SCP2: variants seen among roughly 807,000 people sequenced by gnomAD.
The protein encoded by SCP2 is sterol carrier protein 2, also known as SCP-2/3-oxoacyl-CoA thiolase.
SCP2 carries 48 observed loss-of-function variants against 71.4 expected under a neutral mutation model. That is an observed-to-expected ratio of 0.67 (90% confidence interval 0.53 to 0.86). The LOEUF is 0.86. Among genes scored for constraint, SCP2 ranks in the 40% least tolerant of loss-of-function variants. The probability of loss-of-function intolerance (pLI) is 0.00; values close to 1 mark genes in which losing one functional copy is unlikely to be tolerated. For synonymous variants in SCP2, 220 were observed against 218.1 expected, an observed-to-expected ratio of 1.01 and a Z score of -0.08; for missense variants, 560 against 655.6, an observed-to-expected ratio of 0.85 and a Z score of 1.59.
At chr1:52,934,277 G>A (rs1424977693) in intron 1 of SCP2, among the ~76,000 whole-genome samples, 1 of 152,018 alleles carries the variant, frequency 6.6e-6, no homozygotes, top group African/African-American at 2.4e-5. Context: ...TAGAATTTTA[G>A]AAAACTTGTA....
At chr1:53,030,320 A>G (rs1662445542) in intron 13 of SCP2, among the ~76,000 whole-genome samples, 1 of 152,148 alleles carries the variant, frequency 6.6e-6, no homozygotes, top group African/African-American at 2.4e-5. Context: ...TTCCTGTTGC[A>G]CTCATATTTA....
At position 52,948,072 on chromosome 1, in the gene SCP2, A is replaced by G. The variant is rs772952177; in HGVS notation, c.191A>G (p.Tyr64Cys). Residue 64 changes from tyrosine to cysteine, a missense_variant, in exon 3 of 16, where the codon TAT becomes TGT. Around this residue, in one of 3 missense-constraint regions of SCP2, gnomAD observed 513 missense variants for 573.1 expected, o/e 0.90. Coordinates refer to ENST00000371514, the MANE Select transcript of SCP2 (RefSeq NM_002979.5). ...GCAGTGGACCAGGCATGTGTTGGCT[A>G]TGTTTTTGGTATGTATTAAACTGTG... is the stretch of plus-strand genomic sequence containing the variant. ...YSAVDQACVG[Y>C]VFGDSTCGQR... The G allele has an allele frequency of 3.7e-6, 6 of 1,609,048 alleles. No homozygotes were observed. In the East Asian group the frequency reaches 6.7e-5, roughly 18 times the overall value.
intron 13 of SCP2, among the ~76,000 whole-genome samples, chr1:53,036,782 T>C (rs75962105): frequency 0.016 from 2,413 of 151,570 alleles, 66 homozygotes; most frequent in African/African-American, 0.055. Context: ...TTGTTTTTGG[T>C]ACAAAACCCA....
At chr1:53,038,132 T>A (rs1663150216) in intron 13 of SCP2, among the ~76,000 whole-genome samples, 1 of 151,234 alleles carries the variant, frequency 6.6e-6, no homozygotes, top group African/African-American at 2.4e-5. Flanking sequence ...GGTGACAGAG[T>A]GAGACCTTGT....
In SCP2 at chr1:52,987,844, G is replaced by A. The variant is rs541831813; in HGVS notation, c.974-185G>A. ...CTAATAGGAGCTTTTGTTTCATACAGGAAATGTTCTGAAAATGTAAGTATT... is the reference window on the plus strand; with the variant it reads ...CTAATAGGAGCTTTTGTTTCATACAAGAAATGTTCTGAAAATGTAAGTATT... On this transcript the variant is annotated intron_variant, in intron 10 of 15. Transcript: ENST00000371514. Among the ~76,000 whole-genome samples the A allele has an allele frequency of 9.2e-5, 14 of 152,182 alleles. No homozygotes were observed. In the East Asian group the frequency reaches 2.7e-3, roughly 29 times the overall value.
At chr1:52,993,214 G>T (rs1271139602) in intron 11 of SCP2, 2 of 1,614,008 alleles carry the variant, frequency 1.2e-6, no homozygotes, top group African/African-American at 2.7e-5. Context: ...TGACACAATG[G>T]CAGCCTTTCT....
intron 5 of SCP2, among the ~76,000 whole-genome samples, chr1:52,956,280 G>A (rs1171757545): frequency 6.6e-6 from 1 of 152,176 alleles, no homozygotes; most frequent in Non-Finnish European, 1.5e-5. Context: ...TCCAGCCTGG[G>A]CGACAGAGTG....
intron 10 of SCP2, 82 bp downstream of exon 10, chr1:52,980,625 C>T: frequency 7.4e-7 from 1 of 1,344,944 alleles, no homozygotes; most frequent in South Asian, 1.2e-5. Context: ...AAAGAATTCA[C>T]TATTCACTTT....
At chr1:52,971,566 G>C (rs899914624) in intron 6 of SCP2, among the ~76,000 whole-genome samples, 1 of 152,202 alleles carries the variant, frequency 6.6e-6, no homozygotes, top group Non-Finnish European at 1.5e-5. Flanking sequence ...GGAACATTCA[G>C]AATGAAGACT....
intron 10 of SCP2, 118 bp downstream of exon 10, chr1:52,980,661 T>C: frequency 3.9e-6 from 4 of 1,031,832 alleles, no homozygotes; most frequent in Non-Finnish European, 6.0e-6. Context: ...TCTGCCACAC[T>C]GTGGGAAATG....
intron 13 of SCP2, among the ~76,000 whole-genome samples, chr1:53,034,464 G>T (rs1169290726): frequency 1.3e-5 from 2 of 152,094 alleles, no homozygotes; most frequent in East Asian, 3.9e-4. Context: ...GAGGAGACAG[G>T]GAATGACTGC....
At chr1:52,972,838 G>A (rs1327596609) in intron 6 of SCP2, among the ~76,000 whole-genome samples, 1 of 152,154 alleles carries the variant, frequency 6.6e-6, no homozygotes, top group East Asian at 1.9e-4. Flanking sequence ...TAACCCATAA[G>A]CAGTCTAATT....
intron 4 of SCP2, among the ~76,000 whole-genome samples, chr1:52,954,164 CT>C (rs1655585526): frequency 6.6e-6 from 1 of 151,262 alleles, no homozygotes; most frequent in Non-Finnish European, 1.5e-5. Flanking sequence ...AAAAAATTAG[CT>C]GAATGAGGTG....
chr1:53,012,338 G>A (rs1309428797), intron 11 of SCP2, among the ~76,000 whole-genome samples: 3 of 152,212 alleles, frequency 2.0e-5, no homozygotes, highest in Admixed American at 6.5e-5. Context: ...TTTCTATAGG[G>A]CTGTTCCATA....
At chr1:53,026,524 G>A (rs941060850) in intron 12 of SCP2, among the ~76,000 whole-genome samples, 3 of 152,084 alleles carry the variant, frequency 2.0e-5, no homozygotes, top group Non-Finnish European at 4.4e-5. Context: ...TTTATGAAAC[G>A]AGGCCAGGCA....
intron 13 of SCP2, among the ~76,000 whole-genome samples, chr1:53,029,660 A>C (rs1662385425): frequency 6.6e-6 from 1 of 152,196 alleles, no homozygotes; most frequent in African/African-American, 2.4e-5. Context: ...TGCACTGTGG[A>C]TGGGAATACA....
At chr1:53,043,585 C>G (rs1663578326) in intron 14 of SCP2, among the ~76,000 whole-genome samples, 1 of 152,164 alleles carries the variant, frequency 6.6e-6, no homozygotes, top group Non-Finnish European at 1.5e-5. Flanking sequence ...GCTATGTGGT[C>G]TTGGGCAAGT....
chr1:53,035,112 A>G (rs1348559367), intron 13 of SCP2, among the ~76,000 whole-genome samples: 1 of 151,844 alleles, frequency 6.6e-6, no homozygotes, highest in Non-Finnish European at 1.5e-5. Context: ...TCTCAAAGAA[A>G]AAAAAAAAAA....
At chr1:52,986,006 C>T (rs1455825489) in intron 10 of SCP2, among the ~76,000 whole-genome samples, 1 of 152,028 alleles carries the variant, frequency 6.6e-6, no homozygotes, top group Non-Finnish European at 1.5e-5. Context: ...GTCTTTTCCT[C>T]ACCCCTCTCC....
Sources: allele counts gnomAD v4.1 joint callset (sites outside exome capture counted in the v4.1 genomes callset), GRCh38; gene constraint gnomAD v4.1.1; regional missense constraint gnomAD v4.1.1; transcripts MANE v1.5; gene names NCBI Gene and HGNC (gene_info 2026-07-23, HGNC 2026-07-21).